HEPH: variants seen among roughly 807,000 people sequenced by gnomAD.
HEPH encodes the protein hephaestin.
A neutral mutation model predicts 80.8 loss-of-function variants in HEPH; 69 were observed. The observed-to-expected ratio is 0.85, with a 90% CI of 0.70 to 1.04. The LOEUF is 1.04. Among genes scored for constraint, HEPH ranks in the 50% least tolerant of loss-of-function variants. The probability of loss-of-function intolerance (pLI) is 0.00; values close to 1 mark genes in which losing one functional copy is unlikely to be tolerated. For synonymous variants in HEPH, 431 were observed against 322.8 expected (o/e 1.34, Z -3.60); for missense variants, 1,115 against 891.3 (o/e 1.25, Z -3.20).
At chrX:66,241,742 A>G (rs1409645749) in intron 15 of HEPH, among the ~76,000 whole-genome samples, 1 of 111,595 alleles carries the variant, frequency 9.0e-6, no homozygotes, top group Admixed American at 9.5e-5. Context: ...CATAAACTTG[A>G]CATTCAACCA....
chrX:66,266,517 C>G lies in HEPH; in HGVS notation c.3322C>G (p.Leu1108Val), dbSNP rs758623271. ...MQIPIKNVEM[L>V]ASVLVAISVT... ...GATCCCCATAAAGAATGTTGAGATG[C>G]TGGCCTCTGTTTTGGTTGCCATTAG... Residue 1108 changes from leucine (L) to valine (V), a missense_variant, in exon 21 of 21, where the codon CTG becomes GTG. Leu to Val is a conservative substitution (Grantham distance 32, BLOSUM62 1). This residue lies in a region of HEPH where 716 missense variants were observed against 523.5 expected (regional missense o/e 1.37). Coordinates refer to ENST00000343002, the MANE Select transcript of HEPH (RefSeq NM_001367233.3). 8.3e-7 allele frequency: 1 copy of G among 1,209,668 alleles called. No individual in the cohort carries two copies. The highest frequency in any genetic ancestry group is 1.8e-5 in the South Asian group (1 of 56,780).
At chrX:66,241,269 TG>T (rs1173378468) in intron 15 of HEPH, among the ~76,000 whole-genome samples, 1 of 111,646 alleles carries the variant, frequency 9.0e-6, no homozygotes, top group Non-Finnish European at 1.9e-5. Context: ...GTATTGGCCT[TG>T]AATGAAAATG....
chrX:66,263,739 A>G lies in HEPH; in HGVS notation c.3244+51A>G, dbSNP rs374700780. 2.6e-6 allele frequency: 3 copies of G among 1,134,952 alleles called. No individual in the cohort carries two copies. The African/African-American group carries it at 5.4e-5, about 20-fold the overall frequency. The allele number at this position is 1,134,952 out of a possible 1,213,427, so 93.5% of individuals were successfully genotyped here. Reference sequence around the variant, plus strand: ...GTACTTATACATAGTGTGTCTGTGTATGAGGTTGGGTGAAGTACCTTTAGG... The same window carrying G: ...GTACTTATACATAGTGTGTCTGTGTGTGAGGTTGGGTGAAGTACCTTTAGG... On this transcript the variant is annotated intron_variant, in intron 20 of 20. Coordinates refer to ENST00000343002, the MANE Select transcript of HEPH (RefSeq NM_001367233.3).
At chrX:66,241,893 A>G (rs1046173442) in intron 15 of HEPH, among the ~76,000 whole-genome samples, 4 of 111,438 alleles carry the variant, frequency 3.6e-5, no homozygotes, top group Non-Finnish European at 7.5e-5. Context: ...AGAGGATTCC[A>G]TGCTCATGGG....
intron 9 of HEPH, among the ~76,000 whole-genome samples, chrX:66,196,195 CG>C (rs2088082435): frequency 9.0e-6 from 1 of 110,943 alleles, no homozygotes; most frequent in African/African-American, 3.3e-5. Context: ...GGCATTATAG[CG>C]ACATAGGAGA....
rs1487374485 is a variant in HEPH at position 66,217,615 on chromosome X, A to G, written c.2563+9369A>G. ...ATAAACCTCACAGGACCTATAAAACAGCAACAATGAAAAAAAGCCAAGGTA... is the reference window on the plus strand; with the variant it reads ...ATAAACCTCACAGGACCTATAAAACGGCAACAATGAAAAAAAGCCAAGGTA... On this transcript the variant is annotated intron_variant, in intron 15 of 20. Transcript: ENST00000343002. Among the ~76,000 whole-genome samples the G allele has an allele frequency of 3.6e-5, 4 of 111,756 alleles. No homozygotes were observed. The Admixed American group carries it at 3.8e-4, about 11-fold the overall frequency.
At chrX:66,218,342 ACT>A (rs758964136) in intron 15 of HEPH, among the ~76,000 whole-genome samples, 150 of 111,696 alleles carry the variant, frequency 1.3e-3, no homozygotes, top group African/African-American at 4.6e-3. Context: ...TATATAAAAT[ACT>A]CTCTCTGACC....
In HEPH at chrX:66,164,321, C is replaced by A. The variant is rs1028348; in HGVS notation, c.-163C>A. 1.3e-6 allele frequency: 1 copy of A among 753,314 alleles called. No homozygotes were observed. The highest frequency in any genetic ancestry group is 2.3e-5 in the African/African-American group (1 of 43,452). The allele number at this position is 753,314 out of a possible 1,213,427, so 62.1% of individuals were successfully genotyped here. ...CCCTCATCCTCCCATCCCAGTAAAC[C>A]CTGCCAAATTGGAATCCTGGACTTA... On this transcript the variant is annotated 5_prime_UTR_variant, in exon 1 of 21. Transcript: ENST00000343002.
At chrX:66,191,790 G>T (rs1433955355) in intron 6 of HEPH, among the ~76,000 whole-genome samples, 3 of 111,689 alleles carry the variant, frequency 2.7e-5, no homozygotes, top group African/African-American at 6.5e-5. Flanking sequence ...CTTGCCTAAG[G>T]TCCTACAGAT....
chrX:66,220,094 C>T (rs1469942415), intron 15 of HEPH, among the ~76,000 whole-genome samples: 1 of 111,005 alleles, frequency 9.0e-6, no homozygotes, highest in Non-Finnish European at 1.9e-5. Context: ...CAAAAGTTAT[C>T]AGGGTGATTC....
At chrX:66,249,594 G>A (rs2090936435) in intron 15 of HEPH, among the ~76,000 whole-genome samples, 1 of 111,691 alleles carries the variant, frequency 9.0e-6, no homozygotes, top group Non-Finnish European at 1.9e-5. Flanking sequence ...CAGCACTACA[G>A]AAGGCTGTAG....
chrX:66,228,506 T>C (rs762320557), intron 15 of HEPH, among the ~76,000 whole-genome samples: 55 of 112,561 alleles, frequency 4.9e-4, no homozygotes, highest in African/African-American at 1.8e-3. Flanking sequence ...CAAAAACAAA[T>C]GTATCAAAAT....
intron 4 of HEPH, among the ~76,000 whole-genome samples, chrX:66,179,452 C>T (rs778172147): frequency 1.8e-5 from 2 of 111,583 alleles, no homozygotes; most frequent in Non-Finnish European, 3.8e-5. Flanking sequence ...TCCTTATGAA[C>T]TTTATAGTAG....
intron 15 of HEPH, among the ~76,000 whole-genome samples, chrX:66,245,887 C>T (rs141878880): frequency 0.015 from 1,703 of 112,399 alleles, 23 homozygotes; most frequent in Non-Finnish European, 0.021. Flanking sequence ...TAGTCTACTC[C>T]TTGGTGTTTA....
chrX:66,240,058 G>T (rs867774234), intron 15 of HEPH, among the ~76,000 whole-genome samples: 2 of 111,917 alleles, frequency 1.8e-5, no homozygotes, highest in Non-Finnish European at 3.8e-5. Flanking sequence ...ATGCCTGAAA[G>T]GGAAGTAAAA....
At chrX:66,170,826 G>A (rs980604287) in intron 2 of HEPH, 89 bp downstream of exon 2, 7 of 817,685 alleles carry the variant, frequency 8.6e-6, no homozygotes, top group Non-Finnish European at 1.2e-5. Flanking sequence ...CTTTCCCAGG[G>A]TGTGGTAGCA....
intron 4 of HEPH, among the ~76,000 whole-genome samples, chrX:66,182,161 T>G (rs1602238481): frequency 2.5e-5 from 2 of 81,490 alleles, no homozygotes; most frequent in Admixed American, 1.5e-4. Context: ...TCTTTTGGCT[T>G]AGGATTGACT....
chrX:66,194,001 A>T (rs140477235), intron 8 of HEPH, among the ~76,000 whole-genome samples: 329 of 111,667 alleles, frequency 2.9e-3, no homozygotes, highest in Non-Finnish European at 5.1e-3. Context: ...AGGAAGTAAG[A>T]CTGTATAGGT....
chrX:66,164,440 C>G lies in HEPH; in HGVS notation c.-44C>G. 1 of 753,580 alleles carries G rather than the reference C, an allele frequency of 1.3e-6. No individual in the cohort carries two copies. Among genetic ancestry groups the G allele is most frequent in the Non-Finnish European group, 1.6e-6 (1 of 638,685 alleles). The allele number at this position is 753,580 out of a possible 1,213,427, so 62.1% of individuals were successfully genotyped here. ...CAGTGCAGCATTAATGGGCCGCTGA[C>G]ATGAATATGGAGTAGTTTTCTCTAG... On this transcript the variant is annotated 5_prime_UTR_variant, in exon 1 of 21. Transcript: ENST00000343002.
Sources: allele counts gnomAD v4.1 joint callset (sites outside exome capture counted in the v4.1 genomes callset), GRCh38; gene constraint gnomAD v4.1.1; regional missense constraint gnomAD v4.1.1; transcripts MANE v1.5; gene names NCBI Gene and HGNC (gene_info 2026-07-23, HGNC 2026-07-21).